The following RIC1 variants were observed in gnomAD, a reference collection of about 807,000 sequenced individuals.
The protein encoded by RIC1 is guanine nucleotide exchange factor subunit RIC1.
A neutral mutation model predicts 169.0 loss-of-function variants in RIC1; 88 were observed. The observed-to-expected ratio is 0.52, with a 90% CI of 0.44 to 0.62. RIC1 has a LOEUF of 0.62. Among genes scored for constraint, RIC1 ranks in the 20% least tolerant of loss-of-function variants. The probability of loss-of-function intolerance (pLI) is 0.00; values close to 1 mark genes in which losing one functional copy is unlikely to be tolerated. For synonymous variants in RIC1, 790 were observed against 601.5 expected (o/e 1.31, Z -4.59); for missense variants, 1,877 against 1,725.5 (o/e 1.09, Z -1.56).
Position 5,633,547 on chromosome 9 carries a change from T to G in RIC1, c.144+4094T>G, listed in dbSNP as rs779880829. Among the ~76,000 whole-genome samples, 84 of 152,328 alleles carry G rather than the reference T, an allele frequency of 5.5e-4. 1 individual carries two copies. The highest frequency in any genetic ancestry group is 1.0e-3 in the Admixed American group (16 of 15,290). ...CTACCGTAACCATAAGTGTTCATTT[T>G]TCTGATGAACTACTGCTTCCCCACT... On this transcript the variant is annotated intron_variant, in intron 1 of 25. Transcript: ENST00000414202.
intron 20 of RIC1, 38 bp from the exon 21 acceptor site, chr9:5,765,624 C>G: frequency 6.2e-7 from 1 of 1,614,094 alleles, no homozygotes; most frequent in Non-Finnish European, 8.5e-7. Context: ...CACGTAGCAT[C>G]TTTCTCTAAT....
chr9:5,683,963 C>T (rs1291722312), intron 2 of RIC1, among the ~76,000 whole-genome samples: 1 of 152,192 alleles, frequency 6.6e-6, no homozygotes, highest in Non-Finnish European at 1.5e-5. Context: ...GATATAATCT[C>T]CTGGTATGCC....
At chr9:5,691,026 C>T (rs575279121) in intron 3 of RIC1, among the ~76,000 whole-genome samples, 83 of 151,842 alleles carry the variant, frequency 5.5e-4, no homozygotes, top group Non-Finnish European at 1.1e-3. Flanking sequence ...TATTACTGCT[C>T]GCAGAGGTAT....
intron 10 of RIC1, among the ~76,000 whole-genome samples, chr9:5,744,291 T>C (rs1055545574): frequency 3.9e-5 from 6 of 152,198 alleles, no homozygotes; most frequent in African/African-American, 1.4e-4. Context: ...CATTGGGCAT[T>C]TTTCCTGGAG....
At chr9:5,768,288 G>C (rs1458630231) in intron 21 of RIC1, among the ~76,000 whole-genome samples, 1 of 152,220 alleles carries the variant, frequency 6.6e-6, no homozygotes, top group Non-Finnish European at 1.5e-5. Flanking sequence ...CACTTTGGGA[G>C]GCCAAGGTGG....
At chr9:5,720,102 A>G in intron 4 of RIC1, 80 bp from the exon 5 acceptor site, 1 of 1,076,704 alleles carries the variant, frequency 9.3e-7, no homozygotes, top group South Asian at 1.7e-5. Context: ...TTGCATGAGT[A>G]TTCTCTAAAG....
At chr9:5,722,275 T>TA (rs1823646311) in intron 6 of RIC1, among the ~76,000 whole-genome samples, 1 of 149,524 alleles carries the variant, frequency 6.7e-6, no homozygotes, top group Non-Finnish European at 1.5e-5. Context: ...TTTTTTTTTT[T>TA]ACCCCGAGGA....
intron 2 of RIC1, among the ~76,000 whole-genome samples, chr9:5,686,058 A>T (rs1051611447): frequency 1.9e-3 from 286 of 152,092 alleles, no homozygotes; most frequent in African/African-American, 6.3e-3. Context: ...AGAGAAATGC[A>T]AATCAAAGCC....
intron 10 of RIC1, 38 bp downstream of exon 10, chr9:5,743,775 A>G: frequency 6.8e-7 from 1 of 1,470,126 alleles, no homozygotes; most frequent in Non-Finnish European, 9.4e-7. Context: ...TGGTATTAAA[A>G]AAACTTGGAT....
intron 7 of RIC1, among the ~76,000 whole-genome samples, chr9:5,732,856 G>C (rs1164619424): frequency 6.6e-6 from 1 of 152,096 alleles, no homozygotes; most frequent in Non-Finnish European, 1.5e-5. Context: ...AAATTAGTGA[G>C]TGTGCTTTAG....
intron 21 of RIC1, among the ~76,000 whole-genome samples, chr9:5,766,354 T>G (rs1826752626): frequency 6.6e-6 from 1 of 152,030 alleles, no homozygotes; most frequent in Non-Finnish European, 1.5e-5. Flanking sequence ...TGCTACAAAC[T>G]TTTTTTTCCC....
At chr9:5,756,858 C>G (rs1586699135) in intron 16 of RIC1, among the ~76,000 whole-genome samples, 1 of 152,192 alleles carries the variant, frequency 6.6e-6, no homozygotes, top group Non-Finnish European at 1.5e-5. Context: ...GTCTTGGCAT[C>G]TGGTCTACTT....
chr9:5,667,491 C>T (rs1220968139), intron 2 of RIC1, among the ~76,000 whole-genome samples: 5 of 150,304 alleles, frequency 3.3e-5, no homozygotes, highest in African/African-American at 9.8e-5. Flanking sequence ...TTGAAATGTC[C>T]CTCCACCGCC....
chr9:5,693,325 C>G (rs1477992474), intron 3 of RIC1, among the ~76,000 whole-genome samples: 2 of 152,226 alleles, frequency 1.3e-5, no homozygotes, highest in East Asian at 1.9e-4. Context: ...ACTGCATATC[C>G]TTTTCCACTA....
At chr9:5,769,407 C>T (rs1396764619) in intron 22 of RIC1, 151 bp downstream of exon 22, 1 of 1,565,650 alleles carries the variant, frequency 6.4e-7, no homozygotes, top group Non-Finnish European at 8.6e-7. Flanking sequence ...AGTTGGAATG[C>T]CCACTGTTTG....
At position 5,774,175 on chromosome 9, in the gene RIC1, G is replaced by C. The variant is rs763468870; in HGVS notation, c.4201G>C (p.Glu1401Gln). The C allele has an allele frequency of 1.9e-6, 3 of 1,613,612 alleles. No individual in the cohort carries two copies. Among genetic ancestry groups the C allele is most frequent in the East Asian group, 4.5e-5 (2 of 44,666 alleles). The change falls in exon 26 of 26, where the codon GAG becomes CAG. Residue 1401 changes from glutamate (E) to glutamine (Q), a missense_variant. Around this residue, in one of 3 missense-constraint regions of RIC1, gnomAD observed 681 missense variants for 582.0 expected, o/e 1.17. Transcript: ENST00000414202. ...AAGCAGCAATATGGTCAGCCGGAAA[G>C]AGGAGGACACAGCCCAAGCAGAGGA... ...VGSSNMVSRK[E>Q]EDTAQAEEEE...
chr9:5,728,167 C>T (rs1343083451), intron 6 of RIC1, among the ~76,000 whole-genome samples: 2 of 152,256 alleles, frequency 1.3e-5, no homozygotes. Context: ...GCAGGCAGGC[C>T]TCCTTGAGCT....
chr9:5,763,789 G>C lies in RIC1; in HGVS notation c.2762G>C (p.Gly921Ala), dbSNP rs1826493620. 6.2e-7 allele frequency: 1 copy of C among 1,614,186 alleles called. No individual in the cohort carries two copies. ...ALWNYLFAAV[G>A]NPKDLFEECL... ...TGGAATTACCTTTTTGCAGCTGTTGGAAACCCTAAGGACTTGTTTGAGGAG... is the reference window on the plus strand; with the variant it reads ...TGGAATTACCTTTTTGCAGCTGTTGCAAACCCTAAGGACTTGTTTGAGGAG... The change falls in exon 19 of 26, where the codon GGA (glycine) becomes GCA (alanine). Residue 921 changes from glycine (G) to alanine (A), a missense_variant. By Grantham distance (60) the Gly-to-Ala change is moderately conservative. Coordinates refer to ENST00000414202, the MANE Select transcript of RIC1 (RefSeq NM_020829.4). This position sits in a 1 kb window ranked among gnomAD's most constrained non-coding sequence, Gnocchi z 5.2.
chr9:5,682,882 T>C (rs1359394038), intron 2 of RIC1, among the ~76,000 whole-genome samples: 2 of 152,230 alleles, frequency 1.3e-5, no homozygotes, highest in African/African-American at 4.8e-5. Context: ...CTTTTTTCTC[T>C]ACACTTCTCT....
Sources: allele counts gnomAD v4.1 joint callset (sites outside exome capture counted in the v4.1 genomes callset), GRCh38; gene constraint gnomAD v4.1.1; regional missense constraint gnomAD v4.1.1; non-coding constraint Gnocchi (gnomAD v3.1); transcripts MANE v1.5; gene names NCBI Gene and HGNC (gene_info 2026-07-23, HGNC 2026-07-21).